Variants in ENTPD5 observed in about 807,000 individuals in gnomAD.
ENTPD5 encodes nucleoside diphosphate phosphatase ENTPD5.
A neutral mutation model predicts 60.2 loss-of-function variants in ENTPD5; 49 were observed. That is an observed-to-expected ratio of 0.81 (90% CI 0.65 to 1.03). The LOEUF (loss-of-function observed/expected upper bound fraction) is 1.03. Among genes scored for constraint, ENTPD5 ranks in the 50% least tolerant of loss-of-function variants. ENTPD5 has a pLI of 0.00. For missense variants in ENTPD5, 480 were observed against 507.6 expected (o/e 0.95, Z 0.52); for synonymous variants, 187 against 185.4 (o/e 1.01, Z -0.07).
rs118036060 is a variant in ENTPD5 at position 73,987,847 on chromosome 14, G to T, written c.217+39C>A. ...TTTCTGGGAGGAGATGCTAAAGTGT[G>T]GATTTACAGACTCTACTAAGGGTCC... On this transcript the variant is annotated intron_variant, in intron 4 of 15. Transcript: ENST00000334696. 9.0e-4 allele frequency: 1,439 copies of T among 1,591,588 alleles called. 27 individuals are homozygous for T. In the East Asian group the frequency reaches 0.028, roughly 31 times the overall value.
chr14:73,987,331 T>G (rs977392411), intron 4 of ENTPD5, among the ~76,000 whole-genome samples: 2 of 152,200 alleles, frequency 1.3e-5, no homozygotes, highest in Admixed American at 6.6e-5. Context: ...CTATTCTTTT[T>G]GAACACATGG....
intron 3 of ENTPD5, among the ~76,000 whole-genome samples, chr14:74,010,198 C>T (rs1347532538): frequency 2.0e-5 from 3 of 152,172 alleles, no homozygotes; most frequent in African/African-American, 7.2e-5. Flanking sequence ...AGTCCCAAAC[C>T]TCTCAAGGGA....
intron 3 of ENTPD5, among the ~76,000 whole-genome samples, chr14:73,994,641 G>C (rs959862839): frequency 6.6e-6 from 1 of 151,186 alleles, no homozygotes; most frequent in Non-Finnish European, 1.5e-5. Flanking sequence ...GCTGAGTCAG[G>C]AGAATCGCTT....
intron 14 of ENTPD5, 26 bp downstream of exon 14, chr14:73,971,826 C>T (rs2057238848): frequency 6.4e-7 from 1 of 1,568,472 alleles, no homozygotes; most frequent in East Asian, 2.2e-5. Flanking sequence ...ACAGGCTTAC[C>T]TTCAAGGGCT....
rs745409417 is a variant in ENTPD5 at position 73,988,001 on chromosome 14, G to T, written c.102C>A (p.Phe34Leu). 6.2e-7 allele frequency: 1 copy of T among 1,614,156 alleles called. No individual in the cohort carries two copies. The highest frequency in any genetic ancestry group is 1.1e-5 in the South Asian group (1 of 91,070). Reference sequence around the variant, plus strand: ...CATTGATGGGGCACATGGAAGACAGGAAGATACCCTCAAACCAAGTCTGCT... The same window carrying T: ...CATTGATGGGGCACATGGAAGACAGTAAGATACCCTCAAACCAAGTCTGCT... ...RNQQTWFEGI[F>L]LSSMCPINVS... Residue 34 changes from phenylalanine (F) to leucine (L), a missense_variant, in exon 4 of 16, where the codon TTC becomes TTA. Transcript: ENST00000334696.
chr14:73,972,816 C>CT (rs1465793411), intron 13 of ENTPD5, 68 bp downstream of exon 13: 5 of 1,565,306 alleles, frequency 3.2e-6, no homozygotes, highest in Non-Finnish European at 4.3e-6. Flanking sequence ...AGTGCTCTTT[C>CT]TCCTTGACCT....
chr14:74,000,689 G>C (rs2058480876), intron 3 of ENTPD5, among the ~76,000 whole-genome samples: 1 of 151,548 alleles, frequency 6.6e-6, no homozygotes, highest in Admixed American at 6.6e-5. Context: ...TGAGGTGGGA[G>C]AATTGCTTGA....
At chr14:73,987,151 G>GA (rs1414667568) in intron 4 of ENTPD5, 1 of 701,514 alleles carries the variant, frequency 1.4e-6, no homozygotes, top group Non-Finnish European at 2.6e-6. Context: ...GTGACCTGAG[G>GA]AAAAAACACT....
intron 1 of ENTPD5, among the ~76,000 whole-genome samples, chr14:74,016,872 C>A (rs1663618248): frequency 6.6e-6 from 1 of 152,202 alleles, no homozygotes; most frequent in South Asian, 2.1e-4. Flanking sequence ...CTCTTTTCTG[C>A]AGCTTATCAA....
downstream of ENTPD5, chr14:73,960,112 C>T (rs184295614): frequency 2.0e-6 from 2 of 998,778 alleles, no homozygotes; most frequent in African/African-American, 1.7e-5. Flanking sequence ...TTATTTTGAA[C>T]AGTTCTGCTA....
chr14:73,962,481 C>G (rs2056788468), downstream of ENTPD5, among the ~76,000 whole-genome samples: 1 of 151,866 alleles, frequency 6.6e-6, no homozygotes, highest in Non-Finnish European at 1.5e-5. Context: ...ATAATTTAAG[C>G]CTAGGAGTTT....
chr14:73,977,641 A>G (rs1295502138), intron 6 of ENTPD5, among the ~76,000 whole-genome samples: 1 of 152,220 alleles, frequency 6.6e-6, no homozygotes, highest in South Asian at 2.1e-4. Context: ...AACTGGACCT[A>G]TGGAAAGGCA....
chr14:73,971,158 CT>C (rs1315672184), intron 14 of ENTPD5, among the ~76,000 whole-genome samples: 1 of 129,634 alleles, frequency 7.7e-6, no homozygotes, highest in Non-Finnish European at 1.8e-5. Flanking sequence ...CCTAAAGCCT[CT>C]TTGTTTTTTT....
At chr14:73,987,769 A>G (rs775695148) in intron 4 of ENTPD5, 117 bp downstream of exon 4, 23 of 807,974 alleles carry the variant, frequency 2.8e-5, no homozygotes, top group Non-Finnish European at 4.5e-5. Context: ...GAAGAAAGAC[A>G]TCCACTAGGT....
chr14:73,974,484 C>T (rs1426186947), intron 11 of ENTPD5, among the ~76,000 whole-genome samples: 1 of 152,180 alleles, frequency 6.6e-6, no homozygotes, highest in Admixed American at 6.5e-5. Context: ...AGGTTACTTG[C>T]CTCATATCAC....
At chr14:74,006,302 G>A (rs1181310205) in intron 3 of ENTPD5, among the ~76,000 whole-genome samples, 1 of 47,082 alleles carries the variant, frequency 2.1e-5, no homozygotes, top group Non-Finnish European at 4.9e-5. Context: ...TTTTTTTTTT[G>A]AGACGGAGTC....
At chr14:74,008,341 G>A (rs2058742662) in intron 3 of ENTPD5, among the ~76,000 whole-genome samples, 2 of 151,780 alleles carry the variant, frequency 1.3e-5, no homozygotes, top group South Asian at 2.1e-4. Flanking sequence ...TGATCAGACG[G>A]CTTGTCAAAT....
In ENTPD5 at chr14:73,992,138, T is replaced by C. The variant is rs555058485; in HGVS notation, c.-70-3966A>G. ...AGGTAAAGCTTCCTGACTTGCACTT[T>C]ATGTACTTTGCACCAAACAGTTTTG... On this transcript the variant is annotated intron_variant, in intron 3 of 15. Coordinates refer to ENST00000334696, the MANE Select transcript of ENTPD5 (RefSeq NM_001249.5). Among the ~76,000 whole-genome samples, 5 of 152,340 alleles carry C rather than the reference T, an allele frequency of 3.3e-5. No individual in the cohort carries two copies. In the East Asian group the frequency reaches 5.8e-4, roughly 18 times the overall value.
intron 6 of ENTPD5, among the ~76,000 whole-genome samples, chr14:73,981,798 C>T (rs939548399): frequency 1.6e-5 from 2 of 126,882 alleles, no homozygotes; most frequent in African/African-American, 5.6e-5. Flanking sequence ...CAGAGTGAGA[C>T]TCTGTTTCCA....
Sources: gnomAD v4.1 joint callset for allele counts (sites outside exome capture counted in the v4.1 genomes callset) on GRCh38, gnomAD v4.1.1 for gene constraint, MANE v1.5 for transcripts, NCBI Gene and HGNC (gene_info 2026-07-23, HGNC 2026-07-21) for gene names.